Variants in PLAGL1 observed in about 807,000 individuals in gnomAD.
PLAGL1 encodes PLAG1 like zinc finger 1.
Under a neutral mutation model 4.6 loss-of-function variants are expected in PLAGL1, and 1 was observed. That is an observed-to-expected ratio of 0.22 (90% confidence interval 0.08 to 1.03). The LOEUF (loss-of-function observed/expected upper bound fraction) is 1.03. Among genes scored for constraint, PLAGL1 ranks in the 50% least tolerant of loss-of-function variants. The probability of loss-of-function intolerance (pLI) is 0.58; values close to 1 mark genes in which losing one functional copy is unlikely to be tolerated. For synonymous variants in PLAGL1, 240 were observed against 237.8 expected (o/e 1.01, Z -0.08); for missense variants, 464 against 570.4 (o/e 0.81, Z 1.90).
rs1439737444 is a variant in PLAGL1 at position 143,976,288 on chromosome 6, T to TTC, written c.-543-7311_-543-7310insGA. Among the ~76,000 whole-genome samples the TTC allele has an allele frequency of 3.4e-5, 5 of 147,998 alleles. 1 individual carries two copies. The South Asian group carries it at 6.5e-4, about 19-fold the overall frequency. ...CCTTGAGCCTGAGATTTCTTTTCTT[T>TTC]TTTTTTTTTTTTTTGGTGAATTCTG... On this transcript the variant is annotated intron_variant, in intron 2 of 7. Transcript: ENST00000674357.
chr6:144,020,817 T>A (rs1162251141), intron 1 of PLAGL1, among the ~76,000 whole-genome samples: 3 of 146,006 alleles, frequency 2.1e-5, no homozygotes, highest in Non-Finnish European at 4.5e-5. Flanking sequence ...TATATTTATA[T>A]ATTATATTAT....
rs959760472 is a variant in PLAGL1 at position 143,962,124 on chromosome 6, C to T, written c.-398-1582G>A. On this transcript the variant is annotated intron_variant, in intron 5 of 7. Transcript: ENST00000674357. The surrounding 1 kb of genome is among the most constrained non-coding windows in gnomAD (Gnocchi z 5.3). ...CAGCTTTTCCCACCTGCCATCTCTG[C>T]GCCAGTCTAATGCTTAAATAGTTAA... Among the ~76,000 whole-genome samples, 9 of 152,148 alleles carry T rather than the reference C, an allele frequency of 5.9e-5. No individual in the cohort carries two copies. Among genetic ancestry groups the T allele is most frequent in the African/African-American group, 1.4e-4 (6 of 41,434 alleles).
Position 143,971,471 on chromosome 6 carries a change from A to C in PLAGL1, c.-543-2493T>G, listed in dbSNP as rs77885684. 6.7e-3 allele frequency among the ~76,000 whole-genome samples: 1,020 copies of C among 152,322 alleles called. 43 individuals carry two copies. In the East Asian group the frequency reaches 0.11, roughly 17 times the overall value. ...ACACTTTCTAAAAATTTCCATTATG[A>C]TTTTAAGATGTTATTTTCCCAATAA... On this transcript the variant is annotated intron_variant, in intron 2 of 7. Coordinates refer to ENST00000674357, the MANE Select transcript of PLAGL1 (RefSeq NM_001317162.2). This position sits in a 1 kb window ranked among gnomAD's most constrained non-coding sequence, Gnocchi z 4.7.
At position 143,945,716 on chromosome 6, in the gene PLAGL1, C is replaced by T. The variant is rs1213305084; in HGVS notation, c.152+2269G>A. Among the ~76,000 whole-genome samples the T allele has an allele frequency of 6.6e-6, 1 of 152,154 alleles. No individual in the cohort carries two copies. The highest frequency in any genetic ancestry group is 2.4e-5 in the African/African-American group (1 of 41,424). On this transcript the variant is annotated intron_variant, in intron 7 of 7. Transcript: ENST00000674357. The surrounding 1 kb of genome is among the most constrained non-coding windows in gnomAD (Gnocchi z 4.2). ...TATCTCGATCTGTTGACCTCATGAT[C>T]CACCCACCTCGGCCTCCCAAAGTGC...
chr6:143,982,396 G>A lies in PLAGL1; in HGVS notation c.-544+2739C>T, dbSNP rs57728555. 0.01 allele frequency among the ~76,000 whole-genome samples: 1,558 copies of A among 152,216 alleles called. 59 individuals are homozygous for A. In the East Asian group the frequency reaches 0.13, roughly 12 times the overall value. ...GCTAAAGCAGTCAGTGAAGGGAAGCGGTAAAAGATTAGGCCAGAAGTAATG... is the reference window on the plus strand; with the variant it reads ...GCTAAAGCAGTCAGTGAAGGGAAGCAGTAAAAGATTAGGCCAGAAGTAATG... On this transcript the variant is annotated intron_variant, in intron 2 of 7. Coordinates refer to ENST00000674357, the MANE Select transcript of PLAGL1 (RefSeq NM_001317162.2). The surrounding 1 kb of genome is among the most constrained non-coding windows in gnomAD (Gnocchi z 5.3).
intron 1 of PLAGL1, among the ~76,000 whole-genome samples, chr6:144,019,913 C>A (rs1461410486): frequency 6.6e-6 from 1 of 152,110 alleles, no homozygotes; most frequent in Non-Finnish European, 1.5e-5. Context: ...TAGCTCCCAA[C>A]CAAGGTATGC....
Position 144,013,597 on chromosome 6 carries a change from G to A in PLAGL1, c.-150-44619C>T, listed in dbSNP as rs979952921. Reference sequence around the variant, plus strand: ...CAAGATATCAGCAAAGGCCGCAGGCGCCATCTAGTGGCTCTAGTGGAGATT... The same window carrying A: ...CAAGATATCAGCAAAGGCCGCAGGCACCATCTAGTGGCTCTAGTGGAGATT... On this transcript the variant is annotated intron_variant, in intron 1 of 3. Transcript: ENST00000437412. This position sits in a 1 kb window ranked among gnomAD's most constrained non-coding sequence, Gnocchi z 4.4. Among the ~76,000 whole-genome samples the A allele has an allele frequency of 2.0e-5, 3 of 152,354 alleles. No individual in the cohort carries two copies. Among genetic ancestry groups the A allele is most frequent in the South Asian group, 4.1e-4 (2 of 4,832 alleles).
In PLAGL1 at chr6:144,057,608, A is replaced by G. The variant is rs551163016; in HGVS notation, c.-151+6860T>C. On this transcript the variant is annotated intron_variant, in intron 1 of 3. Coordinates refer to the PLAGL1 transcript ENST00000437412. ...CCCACAAGCTGATAAAAGATGCTAC[A>G]TTCCCTTCAATCTTTCTCTGAAAAT... Among the ~76,000 whole-genome samples the G allele has an allele frequency of 2.6e-5, 4 of 152,292 alleles. No individual in the cohort carries two copies. In the East Asian group the frequency reaches 7.7e-4, roughly 29 times the overall value.
intron 1 of PLAGL1, among the ~76,000 whole-genome samples, chr6:144,023,989 C>G (rs1362108350): frequency 6.6e-6 from 1 of 152,012 alleles, no homozygotes; most frequent in Non-Finnish European, 1.5e-5. Flanking sequence ...GTTGACCAGA[C>G]TGGTCTTGAA....
intron 1 of PLAGL1, among the ~76,000 whole-genome samples, chr6:144,032,113 C>T (rs1490387716): frequency 6.8e-6 from 1 of 148,132 alleles, no homozygotes; most frequent in Non-Finnish European, 1.5e-5. Flanking sequence ...CTCCCTATAA[C>T]TTATTGCATT....
chr6:144,060,969 C>G (rs919495381), intron 1 of PLAGL1, among the ~76,000 whole-genome samples: 1 of 152,234 alleles, frequency 6.6e-6, no homozygotes, highest in Admixed American at 6.5e-5. Flanking sequence ...TTCTAAAGCT[C>G]TCCCATATAT....
intron 1 of PLAGL1, among the ~76,000 whole-genome samples, chr6:144,040,514 G>T (rs138404593): frequency 6.6e-6 from 1 of 151,874 alleles, no homozygotes; most frequent in African/African-American, 2.4e-5. Flanking sequence ...GGGTGACAGA[G>T]GGAGACTCAG....
rs142452537 is a variant in PLAGL1 at position 143,983,253 on chromosome 6, G to A, written c.-544+1882C>T. ...AGGAAGATACAGACTGAGAATTAAT[G>A]GTTGAGTTTGCAATATGAAGGTCGC... is the stretch of plus-strand genomic sequence containing the variant. On this transcript the variant is annotated intron_variant, in intron 2 of 7. Transcript: ENST00000674357. This position sits in a 1 kb window ranked among gnomAD's most constrained non-coding sequence, Gnocchi z 6.6. 9.4e-4 allele frequency among the ~76,000 whole-genome samples: 143 copies of A among 152,296 alleles called. No individual in the cohort carries two copies. Among genetic ancestry groups the A allele is most frequent in the African/African-American group, 3.3e-3 (138 of 41,562 alleles).
At chr6:143,974,818 C>A (rs999890816) in intron 2 of PLAGL1, among the ~76,000 whole-genome samples, 1 of 152,176 alleles carries the variant, frequency 6.6e-6, no homozygotes, top group Non-Finnish European at 1.5e-5. Flanking sequence ...ATAATGATCA[C>A]CCTGTAACTC....
intron 6 of PLAGL1, among the ~76,000 whole-genome samples, chr6:143,956,201 T>C (rs947810763): frequency 2.0e-5 from 3 of 152,228 alleles, no homozygotes; most frequent in African/African-American, 7.2e-5. Flanking sequence ...CACCAATGTT[T>C]TCCTCCTAGA....
intron 1 of PLAGL1, among the ~76,000 whole-genome samples, chr6:144,049,034 AC>A (rs1173102562): frequency 6.6e-6 from 1 of 152,180 alleles, no homozygotes. Context: ...TTTGCCAGTT[AC>A]CCTAAATAAT....
rs1798357938 is a variant in PLAGL1, at chr6:144,048,723, G to C, written c.-151+15745C>G. Among the ~76,000 whole-genome samples the C allele has an allele frequency of 6.6e-6, 1 of 152,218 alleles. No individual in the cohort carries two copies. The highest frequency in any genetic ancestry group is 1.5e-5 in the Non-Finnish European group (1 of 68,032). Reference sequence around the variant, plus strand: ...CACTAGGCCTCCAGGTCTGTTATGGGAGGGGCTGCCAAGAAGGTCTCTAAC... The same window carrying C: ...CACTAGGCCTCCAGGTCTGTTATGGCAGGGGCTGCCAAGAAGGTCTCTAAC... On this transcript the variant is annotated intron_variant, in intron 1 of 3. Transcript: ENST00000437412. This position sits in a 1 kb window ranked among gnomAD's most constrained non-coding sequence, Gnocchi z 4.8.
At chr6:144,003,302 G>A (rs1793333573) in intron 1 of PLAGL1, among the ~76,000 whole-genome samples, 2 of 152,100 alleles carry the variant, frequency 1.3e-5, no homozygotes, top group African/African-American at 4.8e-5. Flanking sequence ...TAAAGTTTCT[G>A]GAGGAAAACA....
rs530355288 is a variant in PLAGL1 at position 143,952,444 on chromosome 6, T to C, written c.-324-3984A>G. The stretch of plus-strand genomic sequence containing the variant: ...ACCCCAAAACATCTCAGGACATAAT[T>C]TTCAGTCCCCTTGATTCTAAAAATA... On this transcript the variant is annotated intron_variant, in intron 6 of 7. Transcript: ENST00000674357. This position sits in a 1 kb window ranked among gnomAD's most constrained non-coding sequence, Gnocchi z 6.1. 7.1e-6 allele frequency among the ~76,000 whole-genome samples: 1 copy of C among 141,334 alleles called. No individual in the cohort carries two copies. The highest frequency in any genetic ancestry group is 2.8e-5 in the African/African-American group (1 of 35,898). The allele number at this position is 141,334 out of a possible 152,430, so 92.7% of individuals were successfully genotyped here. A position where few individuals can be genotyped will look rare whatever the true frequency, so the allele number is the denominator to read the frequency against.
Sources: gnomAD v4.1 joint callset for allele counts (sites outside exome capture counted in the v4.1 genomes callset) on GRCh38, gnomAD v4.1.1 for gene constraint, Gnocchi (gnomAD v3.1) non-coding constraint, MANE v1.5 for transcripts, NCBI Gene and HGNC (gene_info 2026-07-23, HGNC 2026-07-21) for gene names.